PCDHA12: variants seen among roughly 807,000 people sequenced by gnomAD.
PCDHA12 encodes the protein protocadherin alpha 12, also known as protocadherin alpha-12.
Under a neutral mutation model 60.0 loss-of-function variants are expected in PCDHA12, and 44 were observed. The observed-to-expected ratio is 0.73, with a 90% CI of 0.58 to 0.94. PCDHA12 has a LOEUF of 0.94. Among genes scored for constraint, PCDHA12 ranks in the 40% least tolerant of loss-of-function variants. The pLI, the probability that PCDHA12 is intolerant of heterozygous loss-of-function variation, is 0.00. For missense variants in PCDHA12, 1,276 were observed against 1,239.7 expected, an observed-to-expected ratio of 1.03 and a Z score of -0.44; for synonymous variants, 569 against 553.0, an observed-to-expected ratio of 1.03 and a Z score of -0.40.
intron 3 of PCDHA12, among the ~76,000 whole-genome samples, chr5:140,983,637 T>G (rs1306208906): frequency 6.6e-6 from 1 of 152,232 alleles, no homozygotes; most frequent in Non-Finnish European, 1.5e-5. Context: ...TGTACCCAAG[T>G]TCACGTAGCT....
Position 140,969,340 on chromosome 5 carries a change from G to A in PCDHA12, c.2368-9609G>A, listed in dbSNP as rs1262555926. 6 of 1,613,738 alleles carry A rather than the reference G, an allele frequency of 3.7e-6. No homozygotes were observed. The African/African-American group carries it at 5.3e-5, about 14-fold the overall frequency. On this transcript the variant is annotated intron_variant, in intron 1 of 3. Coordinates refer to ENST00000398631, the MANE Select transcript of PCDHA12 (RefSeq NM_018903.4). The stretch of plus-strand genomic sequence containing the variant: ...CTGTTTCTCAAAATGAGGTGAGACA[G>A]TGGTCAGGGGGTCTTCTACAAACTC...
intron 1 of PCDHA12, chr5:140,883,089 A>G (rs1403331305): frequency 1.1e-5 from 17 of 1,614,038 alleles, no homozygotes; most frequent in Non-Finnish European, 1.4e-5. Context: ...GATGGTACAA[A>G]TGGAGATATA....
At chr5:141,008,347 G>A (rs551037675) in intron 3 of PCDHA12, among the ~76,000 whole-genome samples, 7 of 152,244 alleles carry the variant, frequency 4.6e-5, no homozygotes, top group South Asian at 2.1e-4. Flanking sequence ...AGCTTTTCAC[G>A]TGTCAACCAA....
Position 141,011,828 on chromosome 5 carries a change from T to C in PCDHA12, c.*1891T>C, listed in dbSNP as rs76856184. The C allele has an allele frequency of 2.5e-3, 389 of 153,920 alleles. 1 individual carries two copies. Among genetic ancestry groups the C allele is most frequent in the African/African-American group, 9.1e-3 (378 of 41,598 alleles). The allele number at this position is 153,920 out of a possible 1,614,324, so 9.5% of individuals were successfully genotyped here. ...GCTCATAGAAAGTAACAAAATTTGC[T>C]GTCACCTTAAATAAGACATTTTAAT... On this transcript the variant is annotated 3_prime_UTR_variant, in exon 4 of 4. Transcript: ENST00000398631.
At position 140,877,565 on chromosome 5, in the gene PCDHA12, T is replaced by C; in HGVS notation, c.2093T>C (p.Val698Ala). The change falls in exon 1 of 4, where the codon GTG (valine) becomes GCG (alanine). Residue 698 changes from valine to alanine, a missense_variant. By Grantham distance (64) the Val-to-Ala change is moderately conservative (BLOSUM62 0). Coordinates refer to ENST00000398631, the MANE Select transcript of PCDHA12 (RefSeq NM_018903.4). The part of the protein sequence containing the change: ...DPEAALVDIN[V>A]YLIIAICAVS... ...GAAGCGGCTCTGGTGGATATTAACG[T>C]GTACCTCATCATCGCCATCTGTGCG... 1 of 1,613,742 alleles carries C rather than the reference T, an allele frequency of 6.2e-7. No homozygotes were observed. The highest frequency in any genetic ancestry group is 1.7e-5 in the Admixed American group (1 of 60,024).
intron 2 of PCDHA12, among the ~76,000 whole-genome samples, chr5:140,979,714 T>G (rs1428916313): frequency 4.6e-5 from 7 of 152,270 alleles, no homozygotes; most frequent in African/African-American, 1.7e-4. Context: ...TGATCCAGTA[T>G]CCATGCCATG....
chr5:140,902,621 TATTTAGTGGTG>T (rs2069605868), intron 1 of PCDHA12, among the ~76,000 whole-genome samples: 1 of 152,154 alleles, frequency 6.6e-6, no homozygotes, highest in Non-Finnish European at 1.5e-5. Context: ...ATGGGTAAGT[TATTTAGTGGTG>T]ATTTCTGAGA....
intron 1 of PCDHA12, chr5:140,966,588 G>A: frequency 3.6e-6 from 2 of 558,362 alleles, no homozygotes; most frequent in Non-Finnish European, 5.7e-6. Flanking sequence ...GAGGACGGTG[G>A]GGCCAGGAGC....
chr5:140,894,919 T>C (rs1188144925), intron 1 of PCDHA12, among the ~76,000 whole-genome samples: 1 of 152,348 alleles, frequency 6.6e-6, no homozygotes, highest in Non-Finnish European at 1.5e-5. Context: ...TGTTGCTCTA[T>C]AGATTTCTAT....
intron 1 of PCDHA12, chr5:140,926,630 C>T (rs754707244): frequency 6.0e-5 from 25 of 417,902 alleles, no homozygotes; most frequent in Non-Finnish European, 3.3e-5. Context: ...CGGCGCTGCG[C>T]TCCTCAACAC....
In PCDHA12 at chr5:140,876,844, C is replaced by T. The variant is rs200154646; in HGVS notation, c.1372C>T (p.Pro458Ser). Residue 458 changes from proline (P) to serine (S), a missense_variant, in exon 1 of 4, where the codon CCC (proline) becomes TCC (serine). Physicochemically the swap from Pro to Ser is moderately conservative, Grantham distance 74 (BLOSUM62 -1). Coordinates refer to ENST00000398631, the MANE Select transcript of PCDHA12 (RefSeq NM_018903.4). ...VNDNAPAFAQ[P>S]EYTVFVKENN... ...CGACAATGCGCCTGCGTTCGCGCAG[C>T]CCGAGTACACAGTGTTCGTGAAGGA... 2 of 1,614,016 alleles carry T rather than the reference C, an allele frequency of 1.2e-6. No individual in the cohort carries two copies. The highest frequency in any genetic ancestry group is 2.2e-5 in the East Asian group (1 of 44,888).
chr5:140,877,656 C>T lies in PCDHA12; in HGVS notation c.2184C>T (p.Thr728=), dbSNP rs782196097. The change falls in exon 1 of 4, where the codon ACC becomes ACT. Residue 728 remains threonine, a synonymous_variant. Transcript: ENST00000398631. ...CGCTGCGTTGCTCAGCGCCGCCCAC[C>T]GTGAGCCGGTGCGCGCCGGGCAAGC... ...YTALRCSAPP[T]VSRCAPGKPT... is the part of the protein sequence containing the mutation. 7 of 1,613,442 alleles carry T rather than the reference C, an allele frequency of 4.3e-6. No individual in the cohort carries two copies. The highest frequency in any genetic ancestry group is 4.0e-5 in the African/African-American group (3 of 74,900).
At chr5:141,002,807 C>T (rs1297773193) in intron 3 of PCDHA12, among the ~76,000 whole-genome samples, 1 of 152,152 alleles carries the variant, frequency 6.6e-6, no homozygotes, top group Non-Finnish European at 1.5e-5. Flanking sequence ...GAAACTGAGG[C>T]TCAGAGATAT....
At chr5:140,970,146 C>A (rs1408492600) in intron 1 of PCDHA12, among the ~76,000 whole-genome samples, 3 of 152,156 alleles carry the variant, frequency 2.0e-5, no homozygotes, top group Admixed American at 6.5e-5. Context: ...AAAAAGAATT[C>A]TCCCAATAGT....
At chr5:140,998,696 C>G (rs1587806526) in intron 3 of PCDHA12, among the ~76,000 whole-genome samples, 1 of 152,182 alleles carries the variant, frequency 6.6e-6, no homozygotes, top group East Asian at 1.9e-4. Flanking sequence ...TCCCAAGTAG[C>G]TGGGATTACA....
At chr5:140,985,682 C>T (rs1261119986) in intron 3 of PCDHA12, among the ~76,000 whole-genome samples, 3 of 151,710 alleles carry the variant, frequency 2.0e-5, no homozygotes, top group African/African-American at 4.8e-5. Flanking sequence ...GCCTGCCTTA[C>T]GCTAATCCTC....
At chr5:140,886,905 A>G (rs2061220299) in intron 1 of PCDHA12, among the ~76,000 whole-genome samples, 2 of 152,010 alleles carry the variant, frequency 1.3e-5, no homozygotes, top group Admixed American at 1.3e-4. Flanking sequence ...TTTAATAAAT[A>G]CTTATTGAGT....
chr5:140,876,979 G>T lies in PCDHA12; in HGVS notation c.1507G>T (p.Ala503Ser). ...SLVERRVGEH[A>S]LSSYVSVHAE... ...GGTGGAGCGGCGGGTGGGCGAGCAC[G>T]CACTGTCGAGCTACGTGTCGGTGCA... Residue 503 changes from alanine to serine, a missense_variant, in exon 1 of 4, where the codon GCA (alanine) becomes TCA (serine). By Grantham distance (99) the Ala-to-Ser change is moderately conservative. Transcript: ENST00000398631. The T allele has an allele frequency of 2.5e-6, 4 of 1,612,614 alleles. No homozygotes were observed. The South Asian group carries it at 3.3e-5, about 13-fold the overall frequency.
chr5:140,897,997 G>C (rs1174176296), intron 1 of PCDHA12, among the ~76,000 whole-genome samples: 1 of 152,168 alleles, frequency 6.6e-6, no homozygotes, highest in Non-Finnish European at 1.5e-5. Context: ...CTTTTGAGAA[G>C]TGTCTGTTCA....
Sources: gnomAD v4.1 joint callset for allele counts (sites outside exome capture counted in the v4.1 genomes callset) on GRCh38, gnomAD v4.1.1 for gene constraint, MANE v1.5 for transcripts, NCBI Gene and HGNC (gene_info 2026-07-23, HGNC 2026-07-21) for gene names.